COL11A1: variants seen among roughly 807,000 people sequenced by gnomAD.
COL11A1 encodes collagen type XI alpha 1 chain, also known as collagen alpha-1(XI) chain.
Under a neutral mutation model 265.2 loss-of-function variants are expected in COL11A1, and 74 were observed. The observed-to-expected ratio is 0.28, with a 90% CI of 0.23 to 0.34. The LOEUF (loss-of-function observed/expected upper bound fraction) is 0.34, where lower values mean the gene tolerates loss of function less well. Among genes scored for constraint, COL11A1 ranks in the 10% least tolerant of loss-of-function variants. The pLI, the probability that COL11A1 is intolerant of heterozygous loss-of-function variation, is 1.00. For missense variants in COL11A1, 2,165 were observed against 2,263.6 expected, an observed-to-expected ratio of 0.96 and a Z score of 0.88; for synonymous variants, 816 against 727.6, an observed-to-expected ratio of 1.12 and a Z score of -1.96.
chr1:103,076,092 T>G (rs1363069778), intron 3 of COL11A1, among the ~76,000 whole-genome samples: 1 of 152,152 alleles, frequency 6.6e-6, no homozygotes, highest in African/African-American at 2.4e-5. Context: ...TTTTGTTTAA[T>G]TAATGTAGGC....
At chr1:103,034,767 T>C (rs1366786097) in intron 4 of COL11A1, among the ~76,000 whole-genome samples, 1 of 152,070 alleles carries the variant, frequency 6.6e-6, no homozygotes, top group Non-Finnish European at 1.5e-5. Context: ...TTTTTTTTGT[T>C]GTCTCATGAT....
chr1:103,093,993 A>G (rs1673534696), intron 1 of COL11A1, among the ~76,000 whole-genome samples: 1 of 152,184 alleles, frequency 6.6e-6, no homozygotes, highest in African/African-American at 2.4e-5. Flanking sequence ...TCATTGTTAC[A>G]GAGAAAGCCT....
In COL11A1 at chr1:102,898,958, CT is replaced by C; in HGVS notation, c.4122del (p.Gly1375ValfsTer83). ...TTTTTTACCTTAGCACCTTTTTCAC[CT>C]TGTCTTCCCTCTGCACCTGCAGCTC... ...PPGAAGAEGR[Q>X]GEKGAKGEAG... On this transcript the variant is annotated frameshift_variant, in exon 55 of 67. Coordinates refer to ENST00000370096, the MANE Select transcript of COL11A1 (RefSeq NM_001854.4). LOFTEE classifies it high-confidence loss of function. 6.5e-7 allele frequency: 1 copy of C among 1,529,870 alleles called. No individual in the cohort carries two copies. Among genetic ancestry groups the C allele is most frequent in the Non-Finnish European group, 8.9e-7 (1 of 1,129,146 alleles). The allele number at this position is 1,529,870 out of a possible 1,614,324, so 94.8% of individuals were successfully genotyped here.
intron 1 of COL11A1, among the ~76,000 whole-genome samples, chr1:103,090,852 T>C (rs979628122): frequency 4.6e-5 from 7 of 152,178 alleles, no homozygotes; most frequent in African/African-American, 1.7e-4. Context: ...GAAAGTTCTC[T>C]GCAGTTGAGT....
At chr1:102,950,674 G>C (rs1659788772) in intron 41 of COL11A1, among the ~76,000 whole-genome samples, 1 of 152,066 alleles carries the variant, frequency 6.6e-6, no homozygotes, top group African/African-American at 2.4e-5. Context: ...CTTATCTTCT[G>C]ACATGGAAAG....
chr1:102,915,028 C>A (rs1252614211), intron 50 of COL11A1, among the ~76,000 whole-genome samples: 1 of 152,096 alleles, frequency 6.6e-6, no homozygotes, highest in Non-Finnish European at 1.5e-5. Flanking sequence ...CCTCAGCCTC[C>A]CAAGTAGCTG....
rs148532945 is a variant in COL11A1 at position 102,981,696 on chromosome 1, C to A, written c.2557-2261G>T. Reference sequence around the variant, plus strand: ...TTTTTATATGGAAACACACAAAGGCCATAAAGTCAAAGATTAATTGTGAAA... The same window carrying A: ...TTTTTATATGGAAACACACAAAGGCAATAAAGTCAAAGATTAATTGTGAAA... On this transcript the variant is annotated intron_variant, in intron 31 of 66. Transcript: ENST00000370096. 1.3e-3 allele frequency among the ~76,000 whole-genome samples: 190 copies of A among 151,872 alleles called. 3 individuals are homozygous for A. The East Asian group carries it at 0.029, about 23-fold the overall frequency.
At chr1:103,070,724 GA>G (rs572713771) in intron 4 of COL11A1, among the ~76,000 whole-genome samples, 1 of 151,504 alleles carries the variant, frequency 6.6e-6, no homozygotes, top group Non-Finnish European at 1.5e-5. Context: ...AATAAATTTA[GA>G]AAAAAAATCA....
At chr1:102,981,811 T>C (rs1379445393) in intron 31 of COL11A1, among the ~76,000 whole-genome samples, 5 of 152,016 alleles carry the variant, frequency 3.3e-5, no homozygotes, top group Non-Finnish European at 7.4e-5. Flanking sequence ...AAATAGATTT[T>C]ATTTTAGAAA....
At chr1:103,062,539 G>A (rs764637773) in intron 4 of COL11A1, among the ~76,000 whole-genome samples, 2 of 151,808 alleles carry the variant, frequency 1.3e-5, no homozygotes, top group Non-Finnish European at 3.0e-5. Flanking sequence ...AAATAAATTA[G>A]TATCACCATC....
In COL11A1 at chr1:103,006,526, A is replaced by ATTTTTTTT. The variant is rs4013849; in HGVS notation, c.1684-219_1684-212dup. ...ATACCTATTTTTTCTAAATGGCTCCATTTTTTTTTTTTTTTTTTTTTTTTT... is the reference window on the plus strand; with the variant it reads ...ATACCTATTTTTTCTAAATGGCTCCATTTTTTTTTTTTTTTTTTTTTTTTTTTTTTTTT... On this transcript the variant is annotated intron_variant, in intron 15 of 66. Transcript: ENST00000370096. Among the ~76,000 whole-genome samples the ATTTTTTTT allele has an allele frequency of 6.4e-3, 530 of 82,868 alleles. 68 individuals are homozygous for ATTTTTTTT. Among genetic ancestry groups the ATTTTTTTT allele is most frequent in the African/African-American group, 9.8e-3 (203 of 20,670 alleles). 54.4% of individuals were successfully genotyped at this position (82,868 alleles called of 152,430 possible).
At chr1:102,975,280 A>AAAAC (rs1662359614) in intron 35 of COL11A1, among the ~76,000 whole-genome samples, 1 of 151,838 alleles carries the variant, frequency 6.6e-6, no homozygotes, top group African/African-American at 2.4e-5. Context: ...AAAAAAAAAA[A>AAAAC]AACTGTTTTA....
rs146834619 is a variant in COL11A1, at chr1:102,879,653, T to A, written c.5274+30A>T. 3,158 of 1,591,878 alleles carry A rather than the reference T, an allele frequency of 2.0e-3. 9 individuals are homozygous for A. Among genetic ancestry groups the A allele is most frequent in the Middle Eastern group, 6.0e-3 (36 of 6,018 alleles). ...GGTGACATGCTGCCTATCATCTCTGTGAAGGGAGACAAGCAGAACTTATAC... is the reference window on the plus strand; with the variant it reads ...GGTGACATGCTGCCTATCATCTCTGAGAAGGGAGACAAGCAGAACTTATAC... On this transcript the variant is annotated intron_variant, in intron 66 of 66. Transcript: ENST00000370096.
intron 28 of COL11A1, among the ~76,000 whole-genome samples, chr1:102,993,517 TCATTTG>T: frequency 6.6e-6 from 1 of 152,098 alleles, no homozygotes; most frequent in South Asian, 2.1e-4. Flanking sequence ...TGTTATTTTT[TCATTTG>T]TATTATTGTA....
In COL11A1 at chr1:103,002,484, G is replaced by T. The variant is rs1429349126; in HGVS notation, c.2044-3C>A. On this transcript the variant is annotated splice_region_variant and splice_polypyrimidine_tract_variant and intron_variant, in intron 22 of 66. Coordinates refer to ENST00000370096, the MANE Select transcript of COL11A1 (RefSeq NM_001854.4). ...GGCCCAGGCTCCCCTTGGGGACCCT[G>T]CCAGAGGAAAATATAAAAAGTTTTT... 9 of 1,606,648 alleles carry T rather than the reference G, an allele frequency of 5.6e-6. No homozygotes were observed. In the African/African-American group the frequency reaches 8.0e-5, roughly 14 times the overall value.
At chr1:102,909,249 T>G (rs2100998435) in intron 54 of COL11A1, among the ~76,000 whole-genome samples, 1 of 152,204 alleles carries the variant, frequency 6.6e-6, no homozygotes, top group South Asian at 2.1e-4. Flanking sequence ...CTGCCCCTTC[T>G]TGCTTCCTCT....
chr1:103,042,307 C>A (rs1668876224), intron 4 of COL11A1, among the ~76,000 whole-genome samples: 3 of 151,896 alleles, frequency 2.0e-5, no homozygotes, highest in Admixed American at 6.6e-5. Flanking sequence ...TGCTATATTC[C>A]AATTATGAAG....
chr1:102,924,053 CAAAAAAAAAAAA>C (rs577410207), intron 46 of COL11A1, among the ~76,000 whole-genome samples: 1 of 106,798 alleles, frequency 9.4e-6, no homozygotes, highest in African/African-American at 3.1e-5. Context: ...ACTAAAAATA[CAAAAAAAAAAAA>C]AAAAAATTAG....
At chr1:102,998,786 A>C (rs992502144) in intron 24 of COL11A1, among the ~76,000 whole-genome samples, 1 of 151,946 alleles carries the variant, frequency 6.6e-6, no homozygotes, top group African/African-American at 2.4e-5. Flanking sequence ...AACATTGATG[A>C]AACACCATTA....
Sources: gnomAD v4.1 joint callset for allele counts (sites outside exome capture counted in the v4.1 genomes callset) on GRCh38, gnomAD v4.1.1 for gene constraint, MANE v1.5 for transcripts, NCBI Gene and HGNC (gene_info 2026-07-23, HGNC 2026-07-21) for gene names.